The following DCAF8L2 variants were observed in gnomAD, a reference collection of about 807,000 sequenced individuals.
DCAF8L2 encodes DDB1- and CUL4-associated factor 8-like protein 2.
For synonymous variants in DCAF8L2, 200 were observed against 190.9 expected (o/e 1.05, Z -0.39); for missense variants, 430 against 490.7 (o/e 0.88, Z 1.17).
chrX:27,482,003 C>T, the DCAF8L2 span, among the ~76,000 whole-genome samples: 2 of 111,408 alleles, frequency 1.8e-5, no homozygotes, highest in East Asian at 5.6e-4. Flanking sequence ...ATAAGCATTT[C>T]CATTCTAAAA....
At chrX:27,540,125 T>C in the DCAF8L2 span, among the ~76,000 whole-genome samples, 1 of 111,640 alleles carries the variant, frequency 9.0e-6, no homozygotes, top group Non-Finnish European at 1.9e-5. Context: ...AAACCTCTTG[T>C]CTGTTACAAC....
At chrX:27,729,879 T>C (rs1921088615) in intron 4 of DCAF8L2, among the ~76,000 whole-genome samples, 1 of 111,753 alleles carries the variant, frequency 8.9e-6, no homozygotes, top group African/African-American at 3.3e-5. Context: ...TAGCTGAACA[T>C]GAGATGAAAA....
intron 3 of DCAF8L2, among the ~76,000 whole-genome samples, chrX:27,711,851 G>C: frequency 9.0e-6 from 1 of 110,628 alleles, no homozygotes; most frequent in African/African-American, 3.3e-5. Context: ...GGGGAAGTTA[G>C]CTAACTATGA....
chrX:27,630,714 A>G (rs1404801196), intron 1 of DCAF8L2, among the ~76,000 whole-genome samples: 1 of 112,241 alleles, frequency 8.9e-6, no homozygotes, highest in Non-Finnish European at 1.9e-5. Flanking sequence ...AAATTGCTAT[A>G]ACAAAATACC....
chrX:27,528,415 T>C, the DCAF8L2 span, among the ~76,000 whole-genome samples: 2 of 104,600 alleles, frequency 1.9e-5, no homozygotes, highest in Non-Finnish European at 3.9e-5. Flanking sequence ...TCTTATAAAA[T>C]TCTGTTTTAC....
At chrX:27,475,043 C>T in the DCAF8L2 span, among the ~76,000 whole-genome samples, 1 of 111,740 alleles carries the variant, frequency 8.9e-6, no homozygotes, top group South Asian at 3.8e-4. Context: ...TCATGGCACT[C>T]CAGGTGATCT....
the DCAF8L2 span, among the ~76,000 whole-genome samples, chrX:27,533,194 GAA>G: frequency 4.6e-4 from 13 of 28,529 alleles, no homozygotes; most frequent in South Asian, 4.1e-3. Context: ...AAGAAAGAAA[GAA>G]AGAAAGAAAG....
chrX:27,551,228 G>C, the DCAF8L2 span, among the ~76,000 whole-genome samples: 3 of 109,399 alleles, frequency 2.7e-5, no homozygotes, highest in Admixed American at 2.0e-4. Context: ...GAGTCAATCA[G>C]TGTGGCAAAT....
intron 3 of DCAF8L2, among the ~76,000 whole-genome samples, chrX:27,687,327 AG>A (rs887553659): frequency 8.9e-6 from 1 of 111,793 alleles, no homozygotes; most frequent in Non-Finnish European, 1.9e-5. Context: ...TTAAGCAATT[AG>A]GGGGGAAAAC....
At chrX:27,657,124 C>T (rs1929383038) in intron 2 of DCAF8L2, among the ~76,000 whole-genome samples, 1 of 111,133 alleles carries the variant, frequency 9.0e-6, no homozygotes. Context: ...CCTCAGCTTG[C>T]AGAGAGCCTA....
intron 2 of DCAF8L2, among the ~76,000 whole-genome samples, chrX:27,664,281 A>T (rs1399381143): frequency 1.8e-5 from 2 of 111,342 alleles, no homozygotes; most frequent in East Asian, 5.6e-4. Context: ...CAGTGCTGAT[A>T]TGGAGATAGT....
At chrX:27,544,706 A>G in the DCAF8L2 span, among the ~76,000 whole-genome samples, 384 of 112,210 alleles carry the variant, frequency 3.4e-3, 1 homozygote, top group African/African-American at 0.011. Flanking sequence ...CTTTAGCCTA[A>G]TTGATAGAAA....
At chrX:27,488,038 T>TA in the DCAF8L2 span, among the ~76,000 whole-genome samples, 6 of 112,384 alleles carry the variant, frequency 5.3e-5, no homozygotes, top group Admixed American at 1.9e-4. Context: ...AATCCTGTCC[T>TA]AAATATTTGT....
intron 3 of DCAF8L2, among the ~76,000 whole-genome samples, chrX:27,699,763 C>T (rs762039341): frequency 1.6e-4 from 18 of 111,406 alleles, no homozygotes; most frequent in African/African-American, 4.2e-4. Context: ...GTGTATGATT[C>T]ACAACTGTAA....
At chrX:27,733,392 G>T in intron 4 of DCAF8L2, among the ~76,000 whole-genome samples, 1 of 111,461 alleles carries the variant, frequency 9.0e-6, no homozygotes, top group East Asian at 2.8e-4. Flanking sequence ...TTTTATTATC[G>T]CCATTGATTA....
chrX:27,562,195 T>C, the DCAF8L2 span, among the ~76,000 whole-genome samples: 1 of 112,549 alleles, frequency 8.9e-6, no homozygotes, highest in African/African-American at 3.2e-5. Context: ...CACTATCCTT[T>C]TATCTAATAT....
chrX:27,643,890 A>G (rs1325489014), intron 2 of DCAF8L2, among the ~76,000 whole-genome samples: 1 of 111,834 alleles, frequency 8.9e-6, no homozygotes, highest in Non-Finnish European at 1.9e-5. Context: ...ACATGCTAAT[A>G]TAGTGTTCCA....
At chrX:27,584,295 T>TAC in the DCAF8L2 span, among the ~76,000 whole-genome samples, 731 of 109,456 alleles carry the variant, frequency 6.7e-3, 5 homozygotes, top group African/African-American at 0.022. Context: ...AGTCTGTTTA[T>TAC]ACACACACAC....
the DCAF8L2 span, among the ~76,000 whole-genome samples, chrX:27,537,143 A>G: frequency 5.3e-5 from 6 of 112,219 alleles, no homozygotes; most frequent in East Asian, 1.7e-3. Context: ...AAATGAATTT[A>G]CAGTAAGAGC....
Sources: gnomAD v4.1 joint callset for allele counts (sites outside exome capture counted in the v4.1 genomes callset) on GRCh38, gnomAD v4.1.1 for gene constraint, MANE v1.5 for transcripts, NCBI Gene and HGNC (gene_info 2026-07-23, HGNC 2026-07-21) for gene names.